ELAVL2: variants seen among roughly 807,000 people sequenced by gnomAD.
ELAVL2 encodes the protein ELAV-like protein 2.
Under a neutral mutation model 34.6 loss-of-function variants are expected in ELAVL2, and 4 were observed. That is an observed-to-expected ratio of 0.12 (90% CI 0.06 to 0.26). The LOEUF (loss-of-function observed/expected upper bound fraction) is 0.26. Among genes scored for constraint, ELAVL2 ranks in the 10% least tolerant of loss-of-function variants. ELAVL2 has a pLI of 1.00. For missense variants in ELAVL2, 432 were observed against 442.8 expected (o/e 0.98, Z 0.22); for synonymous variants, 193 against 154.8 (o/e 1.25, Z -1.83).
chr9:23,753,050 T>C (rs1362333064), intron 2 of ELAVL2, among the ~76,000 whole-genome samples: 1 of 152,182 alleles, frequency 6.6e-6, no homozygotes, highest in East Asian at 1.9e-4. Context: ...TCCAAGGGTT[T>C]TGAAATATTG....
intron 1 of ELAVL2, among the ~76,000 whole-genome samples, chr9:23,816,152 T>C (rs903384033): frequency 1.3e-5 from 2 of 151,922 alleles, no homozygotes; most frequent in Non-Finnish European, 2.9e-5. Flanking sequence ...ACAGCTTTCT[T>C]CAAATGCTTA....
intron 1 of ELAVL2, among the ~76,000 whole-genome samples, chr9:23,822,901 C>G (rs1253146781): frequency 6.6e-6 from 1 of 152,192 alleles, no homozygotes; most frequent in African/African-American, 2.4e-5. Context: ...GTCCAGCGCT[C>G]CCCGCCCCCA....
chr9:23,795,585 G>T (rs2060822800), intron 1 of ELAVL2, among the ~76,000 whole-genome samples: 1 of 152,064 alleles, frequency 6.6e-6, no homozygotes, highest in African/African-American at 2.4e-5. Context: ...AAACAACATT[G>T]TAAGTACTGG....
intron 1 of ELAVL2, among the ~76,000 whole-genome samples, chr9:23,808,959 T>A (rs1026594052): frequency 6.6e-6 from 1 of 152,122 alleles, no homozygotes; most frequent in Middle Eastern, 3.2e-3. Context: ...CTTCGCCAAA[T>A]TTAAGGAAAC....
upstream of ELAVL2, among the ~76,000 whole-genome samples, chr9:23,830,461 C>A (rs555961761): frequency 6.6e-6 from 1 of 152,094 alleles, no homozygotes; most frequent in South Asian, 2.1e-4. Context: ...AAGGAATATT[C>A]CCCCCGAATC....
At chr9:23,735,813 C>T (rs1442453076) in intron 2 of ELAVL2, among the ~76,000 whole-genome samples, 2 of 152,102 alleles carry the variant, frequency 1.3e-5, no homozygotes, top group African/African-American at 4.8e-5. Context: ...GGGATCTATA[C>T]CACAGAGCTG....
intron 1 of ELAVL2, among the ~76,000 whole-genome samples, chr9:23,774,148 T>TTGCA (rs1310055414): frequency 2.8e-5 from 4 of 141,400 alleles, no homozygotes; most frequent in Admixed American, 7.6e-5. Context: ...GAGGCAGAGC[T>TTGCA]TGCAGTGAGT....
rs552903773 is a variant in ELAVL2 at position 23,814,414 on chromosome 9, G to A, written c.-16+11392C>T. 6.8e-4 allele frequency among the ~76,000 whole-genome samples: 104 copies of A among 152,308 alleles called. 1 individual carries two copies. The highest frequency in any genetic ancestry group is 1.5e-3 in the African/African-American group (63 of 41,580). On this transcript the variant is annotated intron_variant, in intron 1 of 6. Coordinates refer to ENST00000397312, the MANE Select transcript of ELAVL2 (RefSeq NM_004432.5). Reference sequence around the variant, plus strand: ...TAAAAGGATAAACAAGGGACAGAGGGCAAGTACAGACGCATCCCAAAGAGG... The same window carrying A: ...TAAAAGGATAAACAAGGGACAGAGGACAAGTACAGACGCATCCCAAAGAGG...
At chr9:23,827,338 A>G (rs1411799931), upstream of ELAVL2, among the ~76,000 whole-genome samples, 1 of 152,208 alleles carries the variant, frequency 6.6e-6, no homozygotes, top group East Asian at 1.9e-4. Flanking sequence ...TTTTAACAGC[A>G]TTCAGGAGAC....
chr9:23,737,561 A>C (rs1564178522), intron 2 of ELAVL2, among the ~76,000 whole-genome samples: 2 of 152,212 alleles, frequency 1.3e-5, no homozygotes, highest in Admixed American at 1.3e-4. Context: ...AATTTTGTTG[A>C]AAGTACTTTT....
chr9:23,744,239 T>C (rs1305267371), intron 2 of ELAVL2, among the ~76,000 whole-genome samples: 2 of 152,212 alleles, frequency 1.3e-5, no homozygotes, highest in Non-Finnish European at 2.9e-5. Context: ...CTGATGTGCG[T>C]GTTAGAATCA....
chr9:23,778,079 T>C (rs546836735), intron 1 of ELAVL2, among the ~76,000 whole-genome samples: 53 of 152,076 alleles, frequency 3.5e-4, no homozygotes, highest in African/African-American at 1.2e-3. Context: ...GAAGAAAACA[T>C]TGAGGGGATG....
chr9:23,835,635 A>G, the ELAVL2 span, among the ~76,000 whole-genome samples: 1 of 152,288 alleles, frequency 6.6e-6, no homozygotes, highest in Non-Finnish European at 1.5e-5. Flanking sequence ...ACTTGACATT[A>G]TAAAACATAG....
intron 2 of ELAVL2, among the ~76,000 whole-genome samples, chr9:23,732,429 A>T (rs1225433555): frequency 6.6e-6 from 1 of 152,222 alleles, no homozygotes; most frequent in African/African-American, 2.4e-5. Flanking sequence ...TTCCTTTTTA[A>T]AAAAGAGAAA....
At chr9:23,803,704 A>G (rs1305338290) in intron 1 of ELAVL2, among the ~76,000 whole-genome samples, 1 of 149,550 alleles carries the variant, frequency 6.7e-6, no homozygotes, top group Non-Finnish European at 1.5e-5. Context: ...ACATGCTAGG[A>G]GTACACCACA....
chr9:23,775,683 G>A (rs1476544816), intron 1 of ELAVL2, among the ~76,000 whole-genome samples: 4 of 152,136 alleles, frequency 2.6e-5, no homozygotes, highest in Non-Finnish European at 4.4e-5. Context: ...TGAGGCAGCT[G>A]ACTTGACCGA....
At chr9:23,826,798 G>A (rs2138709692), upstream of ELAVL2, among the ~76,000 whole-genome samples, 1 of 152,280 alleles carries the variant, frequency 6.6e-6, no homozygotes, top group South Asian at 2.1e-4. Context: ...TGAAAGGGAT[G>A]AATGTACATC....
At position 23,720,339 on chromosome 9, in the gene ELAVL2, A is replaced by G. The variant is rs1447817274; in HGVS notation, c.333+10683T>C. Among the ~76,000 whole-genome samples the G allele has an allele frequency of 2.0e-5, 3 of 151,580 alleles. No individual in the cohort carries two copies. The South Asian group carries it at 6.3e-4, about 32-fold the overall frequency. ...CAGGCACCCGCCACCATGTTCGGCT[A>G]ATTTTTGTACTTTTTAGTAGAGATG... On this transcript the variant is annotated intron_variant, in intron 3 of 6. Coordinates refer to ENST00000397312, the MANE Select transcript of ELAVL2 (RefSeq NM_004432.5).
At chr9:23,840,940 T>C in the ELAVL2 span, among the ~76,000 whole-genome samples, 1 of 152,030 alleles carries the variant, frequency 6.6e-6, no homozygotes. Context: ...ATCAGAAAAA[T>C]ATACACGTTG....
Sources: gnomAD v4.1 joint callset for allele counts (sites outside exome capture counted in the v4.1 genomes callset) on GRCh38, gnomAD v4.1.1 for gene constraint, MANE v1.5 for transcripts, NCBI Gene and HGNC (gene_info 2026-07-23, HGNC 2026-07-21) for gene names.